ATP10A: variants seen among roughly 807,000 people sequenced by gnomAD.
ATP10A encodes ATPase phospholipid transporting 10A (putative).
A neutral mutation model predicts 147.8 loss-of-function variants in ATP10A; 111 were observed. The ratio of observed to expected loss-of-function variants is 0.75; its 90% CI spans 0.64 to 0.88. ATP10A has a LOEUF of 0.88. ATP10A is among the 40% of genes least tolerant of loss of function. The pLI is 0.00. For missense variants in ATP10A, 1,927 were observed against 1,959.0 expected (o/e 0.98, Z 0.31); for synonymous variants, 875 against 841.6 (o/e 1.04, Z -0.69).
downstream of ATP10A, among the ~76,000 whole-genome samples, chr15:25,675,538 C>T (rs79553975): frequency 0.041 from 6,194 of 152,060 alleles, 203 homozygotes; most frequent in East Asian, 0.13. Flanking sequence ...ACTGAGAGGC[C>T]CTGGAGATGG....
intron 2 of ATP10A, among the ~76,000 whole-genome samples, chr15:25,774,026 T>G (rs1374601201): frequency 6.7e-6 from 1 of 149,602 alleles, no homozygotes; most frequent in Non-Finnish European, 1.5e-5. Context: ...ATTGGAAATT[T>G]TATTAAATTC....
chr15:25,725,054 A>C (rs1432061466), intron 5 of ATP10A, among the ~76,000 whole-genome samples: 1 of 152,178 alleles, frequency 6.6e-6, no homozygotes, highest in African/African-American at 2.4e-5. Context: ...TGGGCAGCAC[A>C]GCTGGAGGTG....
At position 25,683,373 on chromosome 15, in the gene ATP10A, C is replaced by G. The variant is rs779847559; in HGVS notation, c.3405G>C (p.Pro1135=). 1 of 1,613,902 alleles carries G rather than the reference C, an allele frequency of 6.2e-7. No homozygotes were observed. The highest frequency in any genetic ancestry group is 1.3e-5 in the African/African-American group (1 of 74,870). The change falls in exon 17 of 21, where the codon CCG becomes CCC. Residue 1135 remains proline, a synonymous_variant. Transcript: ENST00000555815. The part of the protein sequence containing the change: ...FFNLLFSSLP[P]LVTGVLDRDV... ...CCCTGTCCAGCACCCCAGTCACGAG[C>G]GGGGGAAGTGACGAGAAGAGCAGAT...
At chr15:25,746,960 A>ACCG (rs1887872866) in intron 2 of ATP10A, among the ~76,000 whole-genome samples, 2 of 152,206 alleles carry the variant, frequency 1.3e-5, no homozygotes, top group African/African-American at 4.8e-5. Context: ...AAAAAAAATC[A>ACCG]GAAATCTGAA....
intron 2 of ATP10A, among the ~76,000 whole-genome samples, chr15:25,778,253 G>A (rs1177442171): frequency 1.3e-5 from 2 of 152,146 alleles, no homozygotes; most frequent in Non-Finnish European, 2.9e-5. Context: ...ACATAAGTCA[G>A]TGTACAGATT....
At chr15:25,786,620 T>C (rs1890172119) in intron 1 of ATP10A, among the ~76,000 whole-genome samples, 1 of 29,518 alleles carries the variant, frequency 3.4e-5, no homozygotes, top group Admixed American at 3.1e-4. Flanking sequence ...TTATCATCTT[T>C]TTTTTTTTTT....
intron 1 of ATP10A, among the ~76,000 whole-genome samples, chr15:25,783,016 TA>T (rs1018986384): frequency 1.3e-4 from 20 of 149,074 alleles, no homozygotes; most frequent in South Asian, 2.1e-4. Context: ...AAAAAAAAAT[TA>T]AAAAAAAAAT....
At chr15:25,738,952 T>G (rs118119849) in intron 2 of ATP10A, among the ~76,000 whole-genome samples, 2,986 of 152,320 alleles carry the variant, frequency 0.02, 47 homozygotes, top group South Asian at 0.03. Context: ...CTCTGAGCTA[T>G]CAGCTCAACC....
chr15:25,777,342 C>T (rs1250233068), intron 2 of ATP10A, among the ~76,000 whole-genome samples: 1 of 152,134 alleles, frequency 6.6e-6, no homozygotes, highest in Non-Finnish European at 1.5e-5. Context: ...GAGGGCCTGG[C>T]TCCAGCAGCG....
chr15:25,677,786 T>G (rs1452271992), downstream of ATP10A: 1 of 152,082 alleles, frequency 6.6e-6, no homozygotes, highest in Non-Finnish European at 1.5e-5. Flanking sequence ...GCAGCTCAGG[T>G]GTTCTAAGGG....
intron 1 of ATP10A, among the ~76,000 whole-genome samples, chr15:25,795,167 G>A (rs754379747): frequency 1.3e-5 from 2 of 152,138 alleles, no homozygotes; most frequent in Admixed American, 6.5e-5. Context: ...ATGTGACCGC[G>A]CAAGCATACA....
intron 1 of ATP10A, among the ~76,000 whole-genome samples, chr15:25,792,415 A>T (rs1890470201): frequency 1.3e-5 from 2 of 152,214 alleles, no homozygotes; most frequent in Non-Finnish European, 2.9e-5. Flanking sequence ...AGCCAGTCTG[A>T]GGTCCCATAG....
intron 12 of ATP10A, among the ~76,000 whole-genome samples, chr15:25,706,385 G>A (rs1231729222): frequency 6.6e-6 from 1 of 152,158 alleles, no homozygotes; most frequent in African/African-American, 2.4e-5. Context: ...CCTGCGCCAC[G>A]CTCAGTGCCC....
chr15:25,695,147 C>T lies in ATP10A; in HGVS notation c.2761-1G>A. 1 of 1,607,412 alleles carries T rather than the reference C, an allele frequency of 6.2e-7. No homozygotes were observed. The highest frequency in any genetic ancestry group is 8.5e-7 in the Non-Finnish European group (1 of 1,175,708). On this transcript the variant is annotated splice_acceptor_variant, in intron 13 of 20. Coordinates refer to ENST00000555815, the MANE Select transcript of ATP10A (RefSeq NM_024490.4). LOFTEE classifies it high-confidence loss of function. The stretch of plus-strand genomic sequence containing the variant: ...GGTCTAGCAGGGCTGCACACGCCTC[C>T]TGAAAGGGACATGAGAGGACAGCGC...
chr15:25,714,325 G>C (rs769837647), intron 9 of ATP10A, 84 bp from the exon 10 acceptor site: 206 of 1,276,876 alleles, frequency 1.6e-4, no homozygotes, highest in Non-Finnish European at 1.3e-4. Flanking sequence ...GGATGCTCCA[G>C]GCACTTGGAG....
At chr15:25,691,316 A>G (rs1010345298) in intron 15 of ATP10A, among the ~76,000 whole-genome samples, 1 of 152,194 alleles carries the variant, frequency 6.6e-6, no homozygotes, top group African/African-American at 2.4e-5. Flanking sequence ...CCACCTGTAC[A>G]GTGACGCCAG....
At chr15:25,690,217 C>T (rs1899944408) in intron 15 of ATP10A, among the ~76,000 whole-genome samples, 1 of 143,974 alleles carries the variant, frequency 6.9e-6, no homozygotes, top group Admixed American at 7.2e-5. Context: ...CCTACGTTTT[C>T]CTTAATTTTT....
chr15:25,722,327 C>T (rs1017007238), intron 6 of ATP10A, among the ~76,000 whole-genome samples: 3 of 152,218 alleles, frequency 2.0e-5, no homozygotes, highest in African/African-American at 7.2e-5. Flanking sequence ...CCTGGGCTCC[C>T]ATTTCCCAGG....
intron 1 of ATP10A, among the ~76,000 whole-genome samples, chr15:25,831,262 G>T (rs538649383): frequency 4.0e-4 from 61 of 152,290 alleles, no homozygotes; most frequent in African/African-American, 1.4e-3. Flanking sequence ...TTCTCTCCCC[G>T]CTGCAATTAC....
Sources: gnomAD v4.1 joint callset for allele counts (sites outside exome capture counted in the v4.1 genomes callset) on GRCh38, gnomAD v4.1.1 for gene constraint, MANE v1.5 for transcripts, NCBI Gene and HGNC (gene_info 2026-07-23, HGNC 2026-07-21) for gene names.